Variants in NFXL1 observed in about 807,000 individuals in gnomAD.
NFXL1 encodes nuclear transcription factor, X-box binding like 1.
A neutral mutation model predicts 123.3 loss-of-function variants in NFXL1; 66 were observed. The observed-to-expected ratio is 0.54, with a 90% CI of 0.44 to 0.66. The LOEUF (loss-of-function observed/expected upper bound fraction) is 0.66. Among genes scored for constraint, NFXL1 ranks in the 30% least tolerant of loss-of-function variants. The pLI is 0.00. For synonymous variants in NFXL1, 346 were observed against 360.8 expected, an observed-to-expected ratio of 0.96 and a Z score of 0.46; for missense variants, 944 against 1,125.6, an observed-to-expected ratio of 0.84 and a Z score of 2.31.
intron 19 of NFXL1, among the ~76,000 whole-genome samples, chr4:47,861,823 T>C (rs1323423804): frequency 6.6e-6 from 1 of 152,164 alleles, no homozygotes; most frequent in East Asian, 1.9e-4. Context: ...TAAAAAGTGG[T>C]CCAAAGCCTT....
At chr4:47,861,280 A>T (rs1292190626) in intron 19 of NFXL1, among the ~76,000 whole-genome samples, 2 of 152,330 alleles carry the variant, frequency 1.3e-5, no homozygotes, top group Middle Eastern at 3.4e-3. Context: ...TCTACTAGAC[A>T]CAATGAAATT....
At chr4:47,900,527 C>T (rs1447994828) in intron 5 of NFXL1, among the ~76,000 whole-genome samples, 5 of 152,072 alleles carry the variant, frequency 3.3e-5, no homozygotes, top group South Asian at 2.1e-4. Context: ...AGATATAATT[C>T]GAATGTGCCT....
chr4:47,848,074 C>G lies in NFXL1; in HGVS notation c.*89G>C. The G allele has an allele frequency of 1.3e-6, 1 of 755,810 alleles. No homozygotes were observed. Among genetic ancestry groups the G allele is most frequent in the East Asian group, 2.8e-5 (1 of 36,058 alleles). 46.8% of individuals were successfully genotyped at this position (755,810 alleles called of 1,614,324 possible). A position where few individuals can be genotyped will look rare whatever the true frequency, so the allele number is the denominator to read the frequency against. On this transcript the variant is annotated 3_prime_UTR_variant, in exon 23 of 23. Coordinates refer to ENST00000507489, the MANE Select transcript of NFXL1 (RefSeq NM_001278624.2). Reference sequence around the variant, plus strand: ...TACAGAGATGAATGTAAATATATATCATGTTCTATAATATACATTTTCTAA... The same window carrying G: ...TACAGAGATGAATGTAAATATATATGATGTTCTATAATATACATTTTCTAA...
At chr4:47,913,394 A>G (rs1737939795) in intron 2 of NFXL1, among the ~76,000 whole-genome samples, 1 of 152,232 alleles carries the variant, frequency 6.6e-6, no homozygotes, top group African/African-American at 2.4e-5. Context: ...GAAGGTATCA[A>G]AAGCTCAAGT....
At position 47,863,675 on chromosome 4, in the gene NFXL1, C is replaced by G. The variant is rs1480399793; in HGVS notation, c.2247-760G>C. 5.3e-5 allele frequency among the ~76,000 whole-genome samples: 8 copies of G among 152,068 alleles called. No individual in the cohort carries two copies. In the East Asian group the frequency reaches 1.5e-3, roughly 29 times the overall value. On this transcript the variant is annotated intron_variant, in intron 18 of 22. Coordinates refer to ENST00000507489, the MANE Select transcript of NFXL1 (RefSeq NM_001278624.2). ...CCAGTCTGGGTGACTGAGCAAGACTCTGTCTCAAAAAAAATAAAATAAAAT... is the reference window on the plus strand; with the variant it reads ...CCAGTCTGGGTGACTGAGCAAGACTGTGTCTCAAAAAAAATAAAATAAAAT...
At chr4:47,901,483 G>T (rs1737353363) in intron 5 of NFXL1, among the ~76,000 whole-genome samples, 1 of 152,016 alleles carries the variant, frequency 6.6e-6, no homozygotes, top group African/African-American at 2.4e-5. Context: ...TATACATAAG[G>T]TTTAAATCTC....
In NFXL1 at chr4:47,897,951, A is replaced by C; in HGVS notation, c.1204+16T>G. 1 of 1,489,428 alleles carries C rather than the reference A, an allele frequency of 6.7e-7. No homozygotes were observed. Among genetic ancestry groups the C allele is most frequent in the Non-Finnish European group, 9.2e-7 (1 of 1,087,886 alleles). 92.3% of individuals were successfully genotyped at this position (1,489,428 alleles called of 1,614,324 possible). A position where few individuals can be genotyped will look rare whatever the true frequency, so the allele number is the denominator to read the frequency against. ...AGATCATTTCCTATATAAATATAAA[A>C]AAAAACAAGTCTTACTTGATTTCTG... On this transcript the variant is annotated intron_variant, in intron 9 of 22. Transcript: ENST00000507489.
At chr4:47,913,937 C>G (rs774210542) in intron 2 of NFXL1, 32 bp downstream of exon 2, 287 of 1,486,712 alleles carry the variant, frequency 1.9e-4, no homozygotes, top group Non-Finnish European at 2.5e-4. Flanking sequence ...AGGAGGCATC[C>G]AGGTGAGCAC....
chr4:47,896,458 A>T, intron 10 of NFXL1, 65 bp downstream of exon 10: 1 of 1,302,518 alleles, frequency 7.7e-7, no homozygotes. Flanking sequence ...CAACCACAGG[A>T]CAATCTCATT....
At chr4:47,863,021 T>TC in intron 18 of NFXL1, 106 bp from the exon 19 acceptor site, 2 of 677,988 alleles carry the variant, frequency 2.9e-6, no homozygotes, top group Middle Eastern at 4.2e-4. Flanking sequence ...TTATCTTTTT[T>TC]CCTCAAGAAA....
chr4:47,869,589 T>C (rs1291315077), intron 18 of NFXL1, among the ~76,000 whole-genome samples: 1 of 152,152 alleles, frequency 6.6e-6, no homozygotes, highest in African/African-American at 2.4e-5. Context: ...CATGAATATA[T>C]GGAATATACC....
intron 18 of NFXL1, 96 bp downstream of exon 18, chr4:47,875,031 G>A (rs1198549187): frequency 2.7e-6 from 2 of 727,608 alleles, no homozygotes; most frequent in Non-Finnish European, 4.3e-6. Context: ...GGCATCTAGA[G>A]TTTAAGCAAA....
At chr4:47,870,073 T>A (rs557214139) in intron 18 of NFXL1, among the ~76,000 whole-genome samples, 3 of 152,060 alleles carry the variant, frequency 2.0e-5, no homozygotes, top group Non-Finnish European at 4.4e-5. Context: ...CACACACACA[T>A]CAGGCCCAGA....
At chr4:47,900,091 C>T (rs1737296770) in intron 5 of NFXL1, among the ~76,000 whole-genome samples, 1 of 152,146 alleles carries the variant, frequency 6.6e-6, no homozygotes, top group Non-Finnish European at 1.5e-5. Flanking sequence ...AGAGAGAAGT[C>T]AGGGTATAGA....
intron 5 of NFXL1, among the ~76,000 whole-genome samples, chr4:47,902,703 A>G (rs1446104167): frequency 6.6e-6 from 1 of 152,252 alleles, no homozygotes; most frequent in Non-Finnish European, 1.5e-5. Flanking sequence ...TTAGTTATCA[A>G]AAGGAACTAG....
chr4:47,859,630 C>T (rs1249195276), intron 19 of NFXL1, among the ~76,000 whole-genome samples: 1 of 151,970 alleles, frequency 6.6e-6, no homozygotes, highest in African/African-American at 2.4e-5. Context: ...ACCACGAGTT[C>T]AGGGGTTCAA....
intron 22 of NFXL1, among the ~76,000 whole-genome samples, chr4:47,848,618 G>A (rs1312593788): frequency 2.0e-5 from 3 of 152,158 alleles, no homozygotes; most frequent in Non-Finnish European, 4.4e-5. Flanking sequence ...GGCCGGGCAC[G>A]GTGGCTCACG....
chr4:47,901,475 T>C (rs1337068132), intron 5 of NFXL1, among the ~76,000 whole-genome samples: 2 of 152,158 alleles, frequency 1.3e-5, no homozygotes, highest in Non-Finnish European at 1.5e-5. Context: ...AAAAAATATA[T>C]ACATAAGGTT....
Position 47,907,022 on chromosome 4 carries a change from T to C in NFXL1, c.407-1676A>G, listed in dbSNP as rs145253717. On this transcript the variant is annotated intron_variant, in intron 3 of 22. Transcript: ENST00000507489. Reference sequence around the variant, plus strand: ...TAATGTGTCTCAGTTTTGTCATCTGTAAAACTAGTAGTAACAGTTATCTAC... The same window carrying C: ...TAATGTGTCTCAGTTTTGTCATCTGCAAAACTAGTAGTAACAGTTATCTAC... Among the ~76,000 whole-genome samples the C allele has an allele frequency of 2.4e-4, 36 of 152,324 alleles. No individual in the cohort carries two copies. In the East Asian group the frequency reaches 6.6e-3, roughly 28 times the overall value.
Sources: gnomAD v4.1 joint callset for allele counts (sites outside exome capture counted in the v4.1 genomes callset) on GRCh38, gnomAD v4.1.1 for gene constraint, MANE v1.5 for transcripts, NCBI Gene and HGNC (gene_info 2026-07-23, HGNC 2026-07-21) for gene names.